Variants in WBP1 observed in about 807,000 individuals in gnomAD.
WBP1 encodes WW domain-binding protein 1.
WBP1 carries 18 observed loss-of-function variants against 25.6 expected under a neutral mutation model. That is an observed-to-expected ratio of 0.70 (90% CI 0.49 to 1.04). The LOEUF is 1.04. Ranked by LOEUF, WBP1 falls within the 50% of genes least tolerant of loss-of-function variation. The pLI, the probability that WBP1 is intolerant of heterozygous loss-of-function variation, is 0.00. For missense variants in WBP1, 330 were observed against 352.9 expected, an observed-to-expected ratio of 0.94 and a Z score of 0.52; for synonymous variants, 122 against 137.7, an observed-to-expected ratio of 0.89 and a Z score of 0.80.
chr2:74,458,544 G>T lies in WBP1; in HGVS notation c.-59G>T, dbSNP rs1386503957. ...CATGGCGGTGGCAGCAGAGGTGGCA[G>T]GGGCGGGGCGGCTGGCGGTAGAGGA... On this transcript the variant is annotated 5_prime_UTR_variant, in exon 1 of 4. It adds an upstream start codon to the 5' untranslated region. Transcript: ENST00000233615. The T allele has an allele frequency of 2.6e-6, 4 of 1,522,994 alleles. No homozygotes were observed. Among genetic ancestry groups the T allele is most frequent in the Non-Finnish European group, 3.5e-6 (4 of 1,128,578 alleles). 94.3% of individuals were successfully genotyped at this position (1,522,994 alleles called of 1,614,324 possible).
At chr2:74,458,772 A>G in intron 1 of WBP1, 101 bp downstream of exon 1, 1 of 1,517,300 alleles carries the variant, frequency 6.6e-7, no homozygotes, top group Non-Finnish European at 8.9e-7. Flanking sequence ...ACGGAGCCAA[A>G]GGTACTGTGA....
Position 74,460,008 on chromosome 2 carries a change from A to G in WBP1, c.308A>G (p.His103Arg). Residue 103 changes from histidine (H) to arginine (R), a missense_variant, in exon 3 of 4, where the codon CAT becomes CGT. Transcript: ENST00000233615. ...INLLAYHGAC[H>R]GAGPFPTGSL... ...TTGTTGGCCTATCATGGGGCATGCC[A>G]TGGGGCTGGTCCTTTCCCTACCGGT... 1 of 1,614,134 alleles carries G rather than the reference A, an allele frequency of 6.2e-7. No homozygotes were observed. Among genetic ancestry groups the G allele is most frequent in the Non-Finnish European group, 8.5e-7 (1 of 1,179,996 alleles).
At chr2:74,459,160 A>T (rs1671809071) in intron 1 of WBP1, 1 of 1,523,086 alleles carries the variant, frequency 6.6e-7, no homozygotes, top group East Asian at 2.5e-5. Context: ...CCTGAGGCCC[A>T]GGGGTGGAAA....
chr2:74,459,161 G>T, intron 1 of WBP1: 2 of 1,523,354 alleles, frequency 1.3e-6, no homozygotes, highest in Non-Finnish European at 1.8e-6. Context: ...CTGAGGCCCA[G>T]GGGTGGAAAG....
chr2:74,459,207 G>A (rs754861022), intron 1 of WBP1: 31 of 1,427,562 alleles, frequency 2.2e-5, no homozygotes, highest in Non-Finnish European at 2.8e-5. Context: ...AACCGCGCAG[G>A]ATAATGAAAG....
chr2:74,459,302 C>A, intron 1 of WBP1: 1 of 687,528 alleles, frequency 1.5e-6, no homozygotes, highest in Non-Finnish European at 2.3e-6. Flanking sequence ...TGCCAAAACA[C>A]TCCCTTAACA....
Position 74,460,065 on chromosome 2 carries a change from C to G in WBP1, c.349+16C>G, listed in dbSNP as rs781551117. On this transcript the variant is annotated intron_variant, in intron 3 of 3. Coordinates refer to ENST00000233615, the MANE Select transcript of WBP1 (RefSeq NM_012477.4). Reference sequence around the variant, plus strand: ...CTTGACCTTCGTGAGTGACTTGATGCCCTGGGTCAGCTACCAGTGGCCCTC... The same window carrying G: ...CTTGACCTTCGTGAGTGACTTGATGGCCTGGGTCAGCTACCAGTGGCCCTC... 2.5e-6 allele frequency: 4 copies of G among 1,608,306 alleles called. No homozygotes were observed. The highest frequency in any genetic ancestry group is 3.4e-6 in the Non-Finnish European group (4 of 1,175,146).
intron 1 of WBP1, chr2:74,458,958 T>C (rs878917407): frequency 6.4e-7 from 1 of 1,550,716 alleles, no homozygotes; most frequent in South Asian, 1.2e-5. Context: ...TTGCAACAGT[T>C]ATTTGTGATC....
At chr2:74,459,036 A>G (rs746562476) in intron 1 of WBP1, 1 of 1,550,512 alleles carries the variant, frequency 6.4e-7, no homozygotes, top group Non-Finnish European at 8.7e-7. Context: ...AATTTGGAGA[A>G]GAGCTGGAAC....
At chr2:74,459,181 C>T (rs750241005) in intron 1 of WBP1, 342 of 1,510,754 alleles carry the variant, frequency 2.3e-4, no homozygotes, top group Admixed American at 3.5e-4. Flanking sequence ...GATCCAGTTG[C>T]GGGTGGGGGG....
At chr2:74,458,943 C>G in intron 1 of WBP1, 1 of 1,550,854 alleles carries the variant, frequency 6.4e-7, no homozygotes, top group Non-Finnish European at 8.7e-7. Context: ...GAGGCTCCCT[C>G]TGTCTTGCAA....
At chr2:74,459,308 T>TA in intron 1 of WBP1, 1 of 348,796 alleles carries the variant, frequency 2.9e-6, no homozygotes, top group South Asian at 2.5e-5. Flanking sequence ...AACACTCCCT[T>TA]AACAGAAAGC....
In WBP1 at chr2:74,460,154, T is replaced by C. The variant is rs1671854303; in HGVS notation, c.350-67T>C. On this transcript the variant is annotated intron_variant, in intron 3 of 3. Coordinates refer to ENST00000233615, the MANE Select transcript of WBP1 (RefSeq NM_012477.4). The stretch of plus-strand genomic sequence containing the variant: ...CCACACATTTCAAAGTATTTTTCCC[T>C]AATATAAAAACTAGCACCCTATACC... The C allele has an allele frequency of 7.6e-6, 12 of 1,570,328 alleles. No homozygotes were observed. In the East Asian group the frequency reaches 2.7e-4, roughly 35 times the overall value.
At chr2:74,459,774 T>C (rs371298640) in intron 2 of WBP1, 29 bp downstream of exon 2, 1 of 1,613,866 alleles carries the variant, frequency 6.2e-7, no homozygotes, top group African/African-American at 1.3e-5. Context: ...TATTTCCAGG[T>C]CCCTGTGTCC....
rs775423150 is a variant in WBP1, at chr2:74,460,563, T to C, written c.692T>C (p.Val231Ala). The C allele has an allele frequency of 6.2e-7, 1 of 1,613,482 alleles. No homozygotes were observed. Among genetic ancestry groups the C allele is most frequent in the South Asian group, 1.1e-5 (1 of 91,040 alleles). ...GGTGAGGGTGAGCCAGTCAAGGAGG[T>C]GAGGGTTAGTGCCACCCTGCCAGAT... ...ASGEGEPVKE[V>A]RVSATLPDLE... The change falls in exon 4 of 4, where the codon GTG becomes GCG. Residue 231 changes from valine (V) to alanine (A), a missense_variant. Coordinates refer to ENST00000233615, the MANE Select transcript of WBP1 (RefSeq NM_012477.4).
rs1269909907 is a variant in WBP1 at position 74,458,676 on chromosome 2, C to T, written c.69+5C>T. ...CTTCGGGCGCCGCAACAGCAGGTAT[C>T]CCAATAGCTCCAAAACCTATCACGA... On this transcript the variant is annotated splice_donor_5th_base_variant and intron_variant, in intron 1 of 3. Coordinates refer to ENST00000233615, the MANE Select transcript of WBP1 (RefSeq NM_012477.4). 1 of 1,572,282 alleles carries T rather than the reference C, an allele frequency of 6.4e-7. No homozygotes were observed. Among genetic ancestry groups the T allele is most frequent in the Non-Finnish European group, 8.6e-7 (1 of 1,158,608 alleles).
In WBP1 at chr2:74,460,651, G is replaced by T; in HGVS notation, c.780G>T (p.Gly260=). 1.3e-6 allele frequency: 2 copies of T among 1,585,804 alleles called. No individual in the cohort carries two copies. Among genetic ancestry groups the T allele is most frequent in the Non-Finnish European group, 1.7e-6 (2 of 1,163,680 alleles). The part of the protein sequence containing the change: ...PESVPQIFPM[G]LSSSEGDIP The stretch of plus-strand genomic sequence containing the variant: ...CTGTACCGCAGATCTTTCCCATGGG[G>T]CTGTCTTCCAGTGAAGGGGACATCC... Residue 260 remains glycine (G), a synonymous_variant, in exon 4 of 4, where the codon GGG becomes GGT. Coordinates refer to ENST00000233615, the MANE Select transcript of WBP1 (RefSeq NM_012477.4).
intron 1 of WBP1, chr2:74,459,082 C>T: frequency 6.5e-7 from 1 of 1,548,692 alleles, no homozygotes; most frequent in South Asian, 1.2e-5. Flanking sequence ...CTTTATCATC[C>T]ACAGCAATCC....
chr2:74,459,621 C>T, intron 1 of WBP1, 22 bp from the exon 2 acceptor site: 1 of 1,612,256 alleles, frequency 6.2e-7, no homozygotes, highest in Non-Finnish European at 8.5e-7. Context: ...CCCCTTAGTT[C>T]TAAGTGCCTC....
Sources: gnomAD v4.1 joint callset for allele counts on GRCh38, gnomAD v4.1.1 for gene constraint, MANE v1.5 for transcripts, NCBI Gene and HGNC (gene_info 2026-07-23, HGNC 2026-07-21) for gene names.